The following ZFAT variants were observed in gnomAD, a reference collection of about 807,000 sequenced individuals.
ZFAT encodes zinc finger protein ZFAT.
ZFAT carries 64 observed loss-of-function variants against 117.7 expected under a neutral mutation model. The ratio of observed to expected loss-of-function variants is 0.54; its 90% confidence interval spans 0.44 to 0.67. The LOEUF is 0.67. ZFAT is among the 30% of genes least tolerant of loss of function. ZFAT has a pLI of 0.00. For missense variants in ZFAT, 1,433 were observed against 1,584.5 expected, an observed-to-expected ratio of 0.90 and a Z score of 1.62; for synonymous variants, 679 against 615.0, an observed-to-expected ratio of 1.10 and a Z score of -1.54.
In ZFAT at chr8:134,478,263, T is replaced by G. The variant is rs1431007620; in HGVS notation, c.*219A>C. ...GAAGCAGATGGTAAGGGTCAGGGGG[T>G]GTGTGTCTATGCTGGGGTGAGGGTC... On this transcript the variant is annotated 3_prime_UTR_variant, in exon 16 of 16. Transcript: ENST00000377838. The surrounding 1 kb of genome is among the most constrained non-coding windows in gnomAD (Gnocchi z 5.2). 4.9e-6 allele frequency: 3 copies of G among 606,724 alleles called. No individual in the cohort carries two copies. Among genetic ancestry groups the G allele is most frequent in the Non-Finnish European group, 8.6e-6 (3 of 348,136 alleles). 37.6% of individuals were successfully genotyped at this position (606,724 alleles called of 1,614,324 possible).
At chr8:134,543,205 T>G (rs1822413872) in intron 11 of ZFAT, among the ~76,000 whole-genome samples, 2 of 133,092 alleles carry the variant, frequency 1.5e-5, no homozygotes, top group African/African-American at 5.8e-5. Flanking sequence ...ACATGCAATT[T>G]CTGCACAGAA....
chr8:134,816,148 G>A, the ZFAT span, among the ~76,000 whole-genome samples: 1 of 152,168 alleles, frequency 6.6e-6, no homozygotes, highest in African/African-American at 2.4e-5. Flanking sequence ...TTAACTTCAT[G>A]ACAATTCCAC....
chr8:134,607,027 T>C (rs1174311936), intron 5 of ZFAT, among the ~76,000 whole-genome samples: 2 of 152,196 alleles, frequency 1.3e-5, no homozygotes, highest in East Asian at 1.9e-4. Context: ...ACATCTCTTT[T>C]ATAGTTATCT....
At chr8:134,754,938 A>G in the ZFAT span, among the ~76,000 whole-genome samples, 1 of 152,192 alleles carries the variant, frequency 6.6e-6, no homozygotes, top group Non-Finnish European at 1.5e-5. Context: ...GAGCCAAGAG[A>G]TGGGAGATGG....
intron 1 of ZFAT, among the ~76,000 whole-genome samples, chr8:134,673,884 G>A (rs955827420): frequency 1.3e-5 from 2 of 152,170 alleles, no homozygotes; most frequent in African/African-American, 4.8e-5. Context: ...AGGCCGAGGT[G>A]GGCAGATCAC....
chr8:134,514,309 ACCGAC>A (rs1425547512), intron 13 of ZFAT, among the ~76,000 whole-genome samples: 2 of 152,240 alleles, frequency 1.3e-5, no homozygotes, highest in African/African-American at 4.8e-5. Flanking sequence ...TTATAAAAGC[ACCGAC>A]TGACAAGATA....
chr8:134,704,030 T>C (rs1464345862), intron 1 of ZFAT, among the ~76,000 whole-genome samples: 1 of 152,168 alleles, frequency 6.6e-6, no homozygotes, highest in Non-Finnish European at 1.5e-5. Flanking sequence ...TTTCATGTAA[T>C]ATATAATATA....
At chr8:134,625,418 A>G (rs1160766714) in intron 3 of ZFAT, among the ~76,000 whole-genome samples, 1 of 152,148 alleles carries the variant, frequency 6.6e-6, no homozygotes, top group Non-Finnish European at 1.5e-5. Flanking sequence ...CTTCTCCCCC[A>G]GTCCCAAGTC....
intron 11 of ZFAT, among the ~76,000 whole-genome samples, chr8:134,538,978 T>C (rs9644455): frequency 0.083 from 12,585 of 152,220 alleles, 798 homozygotes; most frequent in East Asian, 0.35. Flanking sequence ...AGTGAGACCC[T>C]GTCTCTTAAA....
rs763736924 is a variant in ZFAT, at chr8:134,478,644, G to A, written c.3570C>T (p.Ala1190=). The A allele has an allele frequency of 2.2e-5, 35 of 1,584,006 alleles. No individual in the cohort carries two copies. In the Middle Eastern group the frequency reaches 5.0e-4, roughly 22 times the overall value. The change falls in exon 16 of 16, where the codon GCC becomes GCT. Residue 1190 remains alanine (A), a synonymous_variant. Transcript: ENST00000377838. This position sits in a 1 kb window ranked among gnomAD's most constrained non-coding sequence, Gnocchi z 5.2. ...AGGACACCACCAGGTGGTGCTGCTC[G>A]GCAAGCTCCACGGACGCTTGCTGGA... ...ETVQQASVEL[A]EQHHLVVSSD...
At chr8:134,487,722 A>G (rs1384397098) in intron 15 of ZFAT, among the ~76,000 whole-genome samples, 1 of 152,126 alleles carries the variant, frequency 6.6e-6, no homozygotes, top group East Asian at 1.9e-4. Flanking sequence ...CTTGCCCTTG[A>G]GAACTCACGT....
chr8:134,818,926 A>G, the ZFAT span, among the ~76,000 whole-genome samples: 1 of 152,176 alleles, frequency 6.6e-6, no homozygotes, highest in African/African-American at 2.4e-5. Context: ...AATGCAGGGG[A>G]GGGTTATCAA....
intron 11 of ZFAT, among the ~76,000 whole-genome samples, chr8:134,552,489 T>G (rs1823241282): frequency 6.6e-6 from 1 of 152,256 alleles, no homozygotes; most frequent in South Asian, 2.1e-4. Flanking sequence ...TATGCAAATT[T>G]TAGGCTGACA....
intron 7 of ZFAT, chr8:134,597,475 C>T (rs2130906273): frequency 6.6e-6 from 1 of 152,452 alleles, no homozygotes; most frequent in South Asian, 2.1e-4. Flanking sequence ...TACTCATAAC[C>T]TCAGAACCCC....
the ZFAT span, among the ~76,000 whole-genome samples, chr8:134,761,886 T>C: frequency 1.3e-5 from 2 of 152,094 alleles, no homozygotes; most frequent in African/African-American, 2.4e-5. Flanking sequence ...TGGCTAAACT[T>C]GATTCAAGGT....
chr8:134,588,198 G>A, intron 9 of ZFAT, 48 bp downstream of exon 9: 3 of 1,510,348 alleles, frequency 2.0e-6, no homozygotes, highest in Non-Finnish European at 2.7e-6. Context: ...ATGAAGGATG[G>A]AAGCACAAAA....
Position 134,637,756 on chromosome 8 carries a change from C to T in ZFAT, c.197-44G>A, listed in dbSNP as rs377710214. 2.2e-4 allele frequency: 345 copies of T among 1,592,110 alleles called. 1 individual carries two copies. The highest frequency in any genetic ancestry group is 3.3e-5 in the Non-Finnish European group (39 of 1,166,538). ...GGCACAATGGAATCACGTGAGACGGCAGTGCAGGGTTCACAATCACCCTCC... is the reference window on the plus strand; with the variant it reads ...GGCACAATGGAATCACGTGAGACGGTAGTGCAGGGTTCACAATCACCCTCC... On this transcript the variant is annotated intron_variant, in intron 2 of 15. Coordinates refer to ENST00000377838, the MANE Select transcript of ZFAT (RefSeq NM_020863.4).
chr8:134,787,804 A>G, the ZFAT span, among the ~76,000 whole-genome samples: 1 of 71,384 alleles, frequency 1.4e-5, no homozygotes, highest in Non-Finnish European at 3.3e-5. Context: ...ATTTAGAATT[A>G]AAAAAAAAAT....
At chr8:134,827,700 G>A in the ZFAT span, among the ~76,000 whole-genome samples, 15 of 151,510 alleles carry the variant, frequency 9.9e-5, no homozygotes, top group East Asian at 2.5e-3. Context: ...CCCGGGAGGC[G>A]GAGGTTGCAT....
Sources: allele counts gnomAD v4.1 joint callset (sites outside exome capture counted in the v4.1 genomes callset), GRCh38; gene constraint gnomAD v4.1.1; non-coding constraint Gnocchi (gnomAD v3.1); transcripts MANE v1.5; gene names NCBI Gene and HGNC (gene_info 2026-07-23, HGNC 2026-07-21).